Variants in KIAA1217 observed in about 807,000 individuals in gnomAD.
KIAA1217 encodes the protein sickle tail protein homolog.
KIAA1217 carries 88 observed loss-of-function variants against 163.9 expected under a neutral mutation model. That is an observed-to-expected ratio of 0.54 (90% confidence interval 0.45 to 0.64). The LOEUF (loss-of-function observed/expected upper bound fraction) is 0.64, where lower values mean the gene tolerates loss of function less well. Among genes scored for constraint, KIAA1217 ranks in the 30% least tolerant of loss-of-function variants. KIAA1217 has a pLI of 0.00. For missense variants in KIAA1217, 2,372 were observed against 2,475.0 expected, an observed-to-expected ratio of 0.96 and a Z score of 0.88; for synonymous variants, 903 against 923.1, an observed-to-expected ratio of 0.98 and a Z score of 0.39.
At chr10:24,437,869 G>T (rs1167980941) in intron 4 of KIAA1217, among the ~76,000 whole-genome samples, 6 of 66,608 alleles carry the variant, frequency 9.0e-5, no homozygotes, top group East Asian at 4.2e-4. Context: ...CTGGACTCCA[G>T]ATACCTTTTC....
At chr10:24,346,978 T>C (rs1203123984) in intron 2 of KIAA1217, among the ~76,000 whole-genome samples, 1 of 152,220 alleles carries the variant, frequency 6.6e-6, no homozygotes, top group African/African-American at 2.4e-5. Context: ...CTCATTAAAT[T>C]GTTACTATTG....
chr10:23,992,607 C>CTTTTTTTTTTTTTTTTT (rs368335847), intron 1 of KIAA1217, among the ~76,000 whole-genome samples: 1 of 127,930 alleles, frequency 7.8e-6, no homozygotes. Context: ...GCCATCATTT[C>CTTTTTTTTTTTTTTTTT]TTTTTTTTTT....
At chr10:23,718,086 G>A (rs1837672971) in intron 1 of KIAA1217, among the ~76,000 whole-genome samples, 3 of 152,166 alleles carry the variant, frequency 2.0e-5, no homozygotes, top group Non-Finnish European at 4.4e-5. Flanking sequence ...GATTCAGTAG[G>A]TGTGGAATCT....
rs746890455 is a variant in KIAA1217, at chr10:24,473,824, G to A, written c.1443G>A (p.Leu481=). The change falls in exon 6 of 21, where the codon CTG becomes CTA. Residue 481 remains leucine, a synonymous_variant. Coordinates refer to ENST00000376454, the MANE Select transcript of KIAA1217 (RefSeq NM_019590.5). ...CCTCTCCTCACAGAGTCAGTGACCT[G>A]AGGATGATAGACATGCACGCTCACT... ...PPASPHRVSD[L]RMIDMHAHYN... 4 of 1,614,144 alleles carry A rather than the reference G, an allele frequency of 2.5e-6. No individual in the cohort carries two copies. The highest frequency in any genetic ancestry group is 1.7e-5 in the Admixed American group (1 of 60,022).
At position 23,695,937 on chromosome 10, in the gene KIAA1217, C is replaced by G. The variant is rs949141476; in HGVS notation, c.-321+703C>G. Among the ~76,000 whole-genome samples the G allele has an allele frequency of 1.3e-5, 2 of 152,206 alleles. No homozygotes were observed. The highest frequency in any genetic ancestry group is 4.8e-5 in the African/African-American group (2 of 41,460). ...GCGACAGCGCCCGGGAGCAGGGTGA[C>G]CCCCACAGCGGCCGGCCTTCCGGCT... On this transcript the variant is annotated intron_variant, in intron 1 of 18. Transcript: ENST00000376462. This position sits in a 1 kb window ranked among gnomAD's most constrained non-coding sequence, Gnocchi z 4.9.
At chr10:24,035,642 G>T (rs1848364052) in intron 2 of KIAA1217, among the ~76,000 whole-genome samples, 1 of 152,154 alleles carries the variant, frequency 6.6e-6, no homozygotes, top group Non-Finnish European at 1.5e-5. Flanking sequence ...GTCACGTGAG[G>T]TTCTTCTTAG....
chr10:23,919,077 C>A (rs1393933749), intron 1 of KIAA1217, among the ~76,000 whole-genome samples: 1 of 152,088 alleles, frequency 6.6e-6, no homozygotes, highest in Non-Finnish European at 1.5e-5. Context: ...GGAAATGACT[C>A]CCCCATCTCC....
At chr10:24,471,894 A>G (rs1295661597) in intron 5 of KIAA1217, among the ~76,000 whole-genome samples, 12 of 151,362 alleles carry the variant, frequency 7.9e-5, no homozygotes, top group Non-Finnish European at 1.8e-4. Context: ...CTCAAAAAAA[A>G]AAAAAAAAAA....
At chr10:24,195,840 A>G (rs529143469) in intron 2 of KIAA1217, among the ~76,000 whole-genome samples, 33 of 152,310 alleles carry the variant, frequency 2.2e-4, no homozygotes, top group Non-Finnish European at 2.6e-4. Flanking sequence ...TTGAAAAAAT[A>G]TGTATTGGCT....
chr10:24,356,715 T>C (rs2049155705), intron 2 of KIAA1217, among the ~76,000 whole-genome samples: 4 of 152,340 alleles, frequency 2.6e-5, no homozygotes, highest in African/African-American at 7.2e-5. Context: ...ACATGCTCCC[T>C]TGCCCTTCCA....
intron 2 of KIAA1217, among the ~76,000 whole-genome samples, chr10:24,365,959 A>G (rs993234527): frequency 6.6e-6 from 1 of 152,204 alleles, no homozygotes; most frequent in Non-Finnish European, 1.5e-5. Flanking sequence ...CGGTACTTAG[A>G]GGCTCCTATA....
At chr10:24,280,196 C>T (rs1308344851) in intron 2 of KIAA1217, among the ~76,000 whole-genome samples, 1 of 152,138 alleles carries the variant, frequency 6.6e-6, no homozygotes, top group Non-Finnish European at 1.5e-5. Context: ...AGTCAAATAT[C>T]TGCAGTTTCA....
chr10:24,102,831 C>A (rs1229464864), intron 2 of KIAA1217, among the ~76,000 whole-genome samples: 1 of 152,150 alleles, frequency 6.6e-6, no homozygotes, highest in Non-Finnish European at 1.5e-5. Context: ...CAAGTCTCAT[C>A]TTGAATTGTA....
At chr10:24,185,510 C>G (rs2066383400) in intron 2 of KIAA1217, among the ~76,000 whole-genome samples, 1 of 152,158 alleles carries the variant, frequency 6.6e-6, no homozygotes, top group Non-Finnish European at 1.5e-5. Context: ...AGAATCAACT[C>G]TTGGCCAGGT....
At chr10:23,885,820 T>A (rs1453448320) in intron 1 of KIAA1217, among the ~76,000 whole-genome samples, 3 of 151,940 alleles carry the variant, frequency 2.0e-5, no homozygotes, top group African/African-American at 7.2e-5. Flanking sequence ...TTCACAAAGA[T>A]CTTTGTGCTG....
intron 1 of KIAA1217, among the ~76,000 whole-genome samples, chr10:23,810,582 A>C (rs11013720): frequency 0.04 from 5,078 of 125,960 alleles, 130 homozygotes; most frequent in South Asian, 0.084. Flanking sequence ...TCTATATATA[A>C]TATATATAGT....
chr10:23,803,077 G>T (rs1168105064), intron 1 of KIAA1217, among the ~76,000 whole-genome samples: 1 of 152,252 alleles, frequency 6.6e-6, no homozygotes, highest in East Asian at 1.9e-4. Flanking sequence ...ATTTCCGTCA[G>T]ATTTCTCTAC....
intron 1 of KIAA1217, among the ~76,000 whole-genome samples, chr10:23,825,045 C>A (rs927012737): frequency 6.6e-6 from 1 of 152,136 alleles, no homozygotes; most frequent in Non-Finnish European, 1.5e-5. Context: ...CTCAATTCAG[C>A]AAAATGCATG....
intron 1 of KIAA1217, among the ~76,000 whole-genome samples, chr10:23,863,019 T>C (rs1840027146): frequency 6.6e-6 from 1 of 152,180 alleles, no homozygotes. Context: ...TAGCGACCCT[T>C]AATACCTTTG....
Sources: allele counts gnomAD v4.1 joint callset (sites outside exome capture counted in the v4.1 genomes callset), GRCh38; gene constraint gnomAD v4.1.1; non-coding constraint Gnocchi (gnomAD v3.1); transcripts MANE v1.5; gene names NCBI Gene and HGNC (gene_info 2026-07-23, HGNC 2026-07-21).